The following SDK1 variants were observed in gnomAD, a reference collection of about 807,000 sequenced individuals.
The protein encoded by SDK1 is protein sidekick-1.
A neutral mutation model predicts 245.5 loss-of-function variants in SDK1; 157 were observed. The ratio of observed to expected loss-of-function variants is 0.64; its 90% CI spans 0.56 to 0.73. SDK1 has a LOEUF of 0.73. Among genes scored for constraint, SDK1 ranks in the 30% least tolerant of loss-of-function variants. The pLI, the probability that SDK1 is intolerant of heterozygous loss-of-function variation, is 0.00. For missense variants in SDK1, 3,583 were observed against 3,002.3 expected (o/e 1.19, Z -4.52); for synonymous variants, 1,647 against 1,278.5 (o/e 1.29, Z -6.15).
At chr7:3,405,710 T>G (rs1009192214) in intron 1 of SDK1, among the ~76,000 whole-genome samples, 10 of 152,158 alleles carry the variant, frequency 6.6e-5, no homozygotes, top group African/African-American at 2.4e-4. Flanking sequence ...AGGTAGTGAA[T>G]TCTGCAAGAG....
At chr7:4,241,003 C>T (rs1200652905) in intron 42 of SDK1, among the ~76,000 whole-genome samples, 5 of 152,146 alleles carry the variant, frequency 3.3e-5, no homozygotes, top group South Asian at 2.1e-4. Context: ...CAGAATGAGC[C>T]GGGAAAACCC....
intron 1 of SDK1, among the ~76,000 whole-genome samples, chr7:3,470,211 C>G (rs1360888241): frequency 1.3e-5 from 2 of 152,098 alleles, no homozygotes; most frequent in South Asian, 4.1e-4. Flanking sequence ...TTTCTCCCTT[C>G]TTCTCTCCCT....
chr7:4,191,146 T>C (rs1039333499), intron 35 of SDK1, among the ~76,000 whole-genome samples: 1 of 151,840 alleles, frequency 6.6e-6, no homozygotes, highest in Admixed American at 6.5e-5. Flanking sequence ...TCTGAGGTCC[T>C]GCCAGGCCAA....
chr7:3,462,474 G>A (rs921338716), intron 1 of SDK1, among the ~76,000 whole-genome samples: 2 of 152,086 alleles, frequency 1.3e-5, no homozygotes, highest in Non-Finnish European at 2.9e-5. Context: ...CATGTACATA[G>A]TTTGAATTGT....
Position 3,639,044 on chromosome 7 carries a change from T to TA in SDK1, c.500dup (p.Tyr167Ter), listed in dbSNP as rs1782562488. The TA allele has an allele frequency of 6.2e-7, 1 of 1,606,030 alleles. No individual in the cohort carries two copies. Among genetic ancestry groups the TA allele is most frequent in the Non-Finnish European group, 8.5e-7 (1 of 1,174,086 alleles). ...TTTGCAGAAGCTCGATGCTGGGTTT[T>TA]ACCGCTGCGTGGTGCGAAACAGAAT... is the stretch of plus-strand genomic sequence containing the variant. ...PSLQKLDAGF[Y>*]RCVVRNRMGA... Residue 167 changes from tyrosine (Y) to a stop codon, truncating the protein, a stop_gained and frameshift_variant, in exon 3 of 45, where the codon TAC becomes TAAC. Transcript: ENST00000404826. LOFTEE classifies it high-confidence loss of function.
chr7:4,009,085 T>A (rs1785729410), intron 14 of SDK1, among the ~76,000 whole-genome samples: 1 of 152,246 alleles, frequency 6.6e-6, no homozygotes, highest in African/African-American at 2.4e-5. Context: ...TGTATGTGTT[T>A]TCTTTTCATA....
intron 4 of SDK1, among the ~76,000 whole-genome samples, chr7:3,740,685 G>C (rs569289360): frequency 6.6e-6 from 1 of 152,264 alleles, no homozygotes; most frequent in East Asian, 1.9e-4. Context: ...AGGGGTATGG[G>C]AATAGGGCAA....
chr7:3,947,839 A>G lies in SDK1; in HGVS notation c.848-3084A>G, dbSNP rs562087512. On this transcript the variant is annotated intron_variant, in intron 5 of 44. Transcript: ENST00000404826. ...TAATGTCTAAAATTGGCTAAAAACA[A>G]GACATAGCAATAGATGCCTATAATT... Among the ~76,000 whole-genome samples, 215 of 152,248 alleles carry G rather than the reference A, an allele frequency of 1.4e-3. 2 individuals are homozygous for G. Among genetic ancestry groups the G allele is most frequent in the African/African-American group, 5.0e-3 (206 of 41,552 alleles).
chr7:4,185,677 G>T (rs946018945), intron 35 of SDK1, among the ~76,000 whole-genome samples: 12 of 152,150 alleles, frequency 7.9e-5, no homozygotes, highest in African/African-American at 2.7e-4. Context: ...AACATGCCAC[G>T]TACACAGCTC....
At chr7:3,631,222 C>A (rs1329486003) in intron 2 of SDK1, among the ~76,000 whole-genome samples, 2 of 152,204 alleles carry the variant, frequency 1.3e-5, no homozygotes, top group African/African-American at 4.8e-5. Flanking sequence ...ATGTGAGCCA[C>A]CACACTCAGC....
intron 1 of SDK1, among the ~76,000 whole-genome samples, chr7:3,462,027 C>G (rs1780846382): frequency 6.6e-6 from 1 of 152,176 alleles, no homozygotes; most frequent in Non-Finnish European, 1.5e-5. Flanking sequence ...CTACTGCACC[C>G]TACCTCTTCT....
intron 4 of SDK1, among the ~76,000 whole-genome samples, chr7:3,699,101 C>CG (rs1206906726): frequency 6.6e-6 from 1 of 152,130 alleles, no homozygotes; most frequent in East Asian, 1.9e-4. Context: ...AAATGAAGGG[C>CG]GGCACTTCTC....
chr7:4,038,966 T>G (rs895443654), intron 17 of SDK1, among the ~76,000 whole-genome samples: 2 of 152,190 alleles, frequency 1.3e-5, no homozygotes, highest in Admixed American at 1.3e-4. Flanking sequence ...TTTGAGATCA[T>G]TTTCATTATA....
At chr7:3,375,125 C>T (rs1221135668) in intron 1 of SDK1, among the ~76,000 whole-genome samples, 1 of 151,748 alleles carries the variant, frequency 6.6e-6, no homozygotes, top group Non-Finnish European at 1.5e-5. Flanking sequence ...CACGGTTTAT[C>T]ACAGAGGCCA....
chr7:4,149,151 C>A, intron 29 of SDK1, 111 bp from the exon 30 acceptor site: 1 of 747,638 alleles, frequency 1.3e-6, no homozygotes, highest in Non-Finnish European at 1.9e-6. Context: ...GGCATGCAGG[C>A]AGCTCTCATG....
intron 5 of SDK1, among the ~76,000 whole-genome samples, chr7:3,931,941 C>G (rs1779991460): frequency 1.3e-5 from 2 of 152,192 alleles, no homozygotes; most frequent in Non-Finnish European, 2.9e-5. Context: ...GTTATTCATG[C>G]TGGGCATCAC....
chr7:4,262,688 C>A (rs532546358), intron 44 of SDK1, among the ~76,000 whole-genome samples: 1 of 145,890 alleles, frequency 6.9e-6, no homozygotes, highest in African/African-American at 2.6e-5. Flanking sequence ...GATGCACCCC[C>A]CAATCCTCTC....
intron 4 of SDK1, among the ~76,000 whole-genome samples, chr7:3,671,537 A>G (rs1277828791): frequency 6.6e-6 from 1 of 152,180 alleles, no homozygotes; most frequent in African/African-American, 2.4e-5. Flanking sequence ...TATAGCTGAG[A>G]CAAATGTGTA....
At chr7:3,351,136 AT>A (rs1368333665) in intron 1 of SDK1, among the ~76,000 whole-genome samples, 4 of 152,210 alleles carry the variant, frequency 2.6e-5, no homozygotes, top group African/African-American at 9.6e-5. Flanking sequence ...TACTGTTGTC[AT>A]TTTTAATGGG....
Sources: gnomAD v4.1 joint callset for allele counts (sites outside exome capture counted in the v4.1 genomes callset) on GRCh38, gnomAD v4.1.1 for gene constraint, MANE v1.5 for transcripts, NCBI Gene and HGNC (gene_info 2026-07-23, HGNC 2026-07-21) for gene names.